CRISP2: variants seen among roughly 807,000 people sequenced by gnomAD.
CRISP2 encodes the protein cysteine-rich secretory protein 2.
CRISP2 carries 29 observed loss-of-function variants against 31.7 expected under a neutral mutation model. The observed-to-expected ratio is 0.92, with a 90% CI of 0.68 to 1.25. The LOEUF (loss-of-function observed/expected upper bound fraction) is 1.25, where lower values mean the gene tolerates loss of function less well. CRISP2 is among the 50% of genes most tolerant of loss of function. The pLI is 0.00. For synonymous variants in CRISP2, 111 were observed against 101.4 expected, an observed-to-expected ratio of 1.09 and a Z score of -0.57; for missense variants, 318 against 286.5, an observed-to-expected ratio of 1.11 and a Z score of -0.79.
intron 9 of CRISP2, among the ~76,000 whole-genome samples, chr6:49,695,511 G>T (rs937528540): frequency 6.6e-6 from 1 of 151,972 alleles, no homozygotes; most frequent in Admixed American, 6.6e-5. Flanking sequence ...TACCACTTTT[G>T]GTATAGTGAT....
rs764766322 is a variant in CRISP2 at position 49,709,129 on chromosome 6, A to T, written c.66+2T>A. The T allele has an allele frequency of 5.6e-6, 9 of 1,613,178 alleles. No homozygotes were observed. The Admixed American group carries it at 1.2e-4, about 21-fold the overall frequency. On this transcript the variant is annotated splice_donor_variant, in intron 4 of 9. Transcript: ENST00000339139. LOFTEE classifies it high-confidence loss of function. ...TGAAAAGATTTTCCATTTTAACCTTACCTTTCCTTCTGCAGGTAAAGATGG... is the reference window on the plus strand; with the variant it reads ...TGAAAAGATTTTCCATTTTAACCTTTCCTTTCCTTCTGCAGGTAAAGATGG...
At chr6:49,676,713 C>G in the CRISP2 span, among the ~76,000 whole-genome samples, 6 of 152,008 alleles carry the variant, frequency 3.9e-5, no homozygotes, top group South Asian at 1.2e-3. Flanking sequence ...GAGAGGAAAT[C>G]TCAAGCCACA....
rs556382459 is a variant in CRISP2, at chr6:49,700,214, T to A, written c.184-323A>T. 2.3e-3 allele frequency among the ~76,000 whole-genome samples: 357 copies of A among 152,300 alleles called. 3 individuals carry two copies. The highest frequency in any genetic ancestry group is 8.2e-3 in the African/African-American group (340 of 41,582). On this transcript the variant is annotated intron_variant, in intron 5 of 9. Transcript: ENST00000339139. ...GTGAAATATTCTAATTATATTTTAA[T>A]AGTAATAAGATGGCCAACGTTATTT...
At chr6:49,685,798 G>C in the CRISP2 span, among the ~76,000 whole-genome samples, 1 of 151,960 alleles carries the variant, frequency 6.6e-6, no homozygotes, top group African/African-American at 2.4e-5. Context: ...AATATAGTTT[G>C]TTTTTTGTTT....
chr6:49,683,679 AAAAAAAAAAAAAAAAATATATATATATAT>A, the CRISP2 span, among the ~76,000 whole-genome samples: 3 of 47,674 alleles, frequency 6.3e-5, no homozygotes, highest in East Asian at 6.5e-4. Flanking sequence ...AAAAAAAAAA[AAAAAAAAAAAAAAAAATATATATATATAT>A]ATATATATAT....
the CRISP2 span, among the ~76,000 whole-genome samples, chr6:49,685,492 A>G: frequency 6.6e-6 from 1 of 152,190 alleles, no homozygotes; most frequent in Non-Finnish European, 1.5e-5. Context: ...TCAATAGAAC[A>G]CCACAGGGTT....
Position 49,708,204 on chromosome 6 carries a change from C to T in CRISP2, c.66+927G>A, listed in dbSNP as rs150462499. ...ATTGGAGCAAGAGGACTATCATCAG[C>T]TTTCTAACCCCATAGACCAGTGTTT... is the stretch of plus-strand genomic sequence containing the variant. On this transcript the variant is annotated intron_variant, in intron 4 of 9. Transcript: ENST00000339139. Among the ~76,000 whole-genome samples the T allele has an allele frequency of 7.9e-5, 12 of 152,158 alleles. No homozygotes were observed. The East Asian group carries it at 1.9e-3, about 24-fold the overall frequency.
At chr6:49,682,616 TTTC>T in the CRISP2 span, among the ~76,000 whole-genome samples, 32 of 68,568 alleles carry the variant, frequency 4.7e-4, 1 homozygote, top group South Asian at 7.0e-3. Flanking sequence ...TCTTTCTTTC[TTTC>T]TTTCTTTCTT....
At chr6:49,704,775 G>T (rs12205904) in intron 4 of CRISP2, among the ~76,000 whole-genome samples, 8,006 of 152,260 alleles carry the variant, frequency 0.053, 221 homozygotes, top group Non-Finnish European at 0.059. Flanking sequence ...GACTCTGTGA[G>T]AGTCCTTGGC....
intron 8 of CRISP2, among the ~76,000 whole-genome samples, chr6:49,696,482 T>G (rs962903845): frequency 6.6e-6 from 1 of 151,846 alleles, no homozygotes; most frequent in Admixed American, 6.6e-5. Flanking sequence ...TGTGTGTTTG[T>G]AGGAGTGTGC....
intron 6 of CRISP2, 118 bp from the exon 7 acceptor site, chr6:49,698,625 A>T: frequency 9.9e-7 from 1 of 1,007,356 alleles, no homozygotes; most frequent in Non-Finnish European, 1.5e-6. Flanking sequence ...CTAACTGTTG[A>T]TTAATACATA....
At position 49,711,738 on chromosome 6, in the gene CRISP2, T is replaced by G. The variant is rs537951436; in HGVS notation, c.-46-417A>C. Among the ~76,000 whole-genome samples the G allele has an allele frequency of 4.6e-5, 7 of 152,258 alleles. No homozygotes were observed. In the South Asian group the frequency reaches 1.5e-3, roughly 32 times the overall value. On this transcript the variant is annotated intron_variant, in intron 2 of 9. Coordinates refer to ENST00000339139, the MANE Select transcript of CRISP2 (RefSeq NM_003296.4). ...TTTCTAATTATCAACTACCTGTAGC[T>G]TATTGGTTACGGGTGCATTCTTTGG...
the CRISP2 span, among the ~76,000 whole-genome samples, chr6:49,687,278 T>C: frequency 6.6e-6 from 1 of 152,182 alleles, no homozygotes; most frequent in Non-Finnish European, 1.5e-5. Context: ...ATACAATGTA[T>C]AAAATATTAA....
chr6:49,677,928 G>A, the CRISP2 span, among the ~76,000 whole-genome samples: 5 of 152,110 alleles, frequency 3.3e-5, no homozygotes, highest in Admixed American at 3.3e-4. Flanking sequence ...CACTGATACT[G>A]GAGTTAGAGA....
At chr6:49,677,035 G>A in the CRISP2 span, among the ~76,000 whole-genome samples, 1 of 152,106 alleles carries the variant, frequency 6.6e-6, no homozygotes, top group East Asian at 1.9e-4. Flanking sequence ...AGTAAGCAGT[G>A]ACCAGTTACA....
chr6:49,697,307 AC>A, intron 8 of CRISP2, among the ~76,000 whole-genome samples: 1 of 152,274 alleles, frequency 6.6e-6, no homozygotes, highest in Admixed American at 6.5e-5. Context: ...AGAATCAGAG[AC>A]TTAAGATGTT....
the CRISP2 span, among the ~76,000 whole-genome samples, chr6:49,682,605 T>TTC: frequency 5.5e-4 from 36 of 65,434 alleles, no homozygotes; most frequent in African/African-American, 3.6e-3. Flanking sequence ...CTTTCTTTCT[T>TTC]TCTTTCTTTC....
intron 4 of CRISP2, among the ~76,000 whole-genome samples, chr6:49,705,537 A>C (rs967386039): frequency 6.6e-6 from 1 of 152,108 alleles, no homozygotes; most frequent in Non-Finnish European, 1.5e-5. Context: ...TCAGAATCCC[A>C]GATCTGCCCA....
At chr6:49,690,651 A>G (rs1008962454), downstream of CRISP2, among the ~76,000 whole-genome samples, 1 of 152,072 alleles carries the variant, frequency 6.6e-6, no homozygotes, top group Non-Finnish European at 1.5e-5. Context: ...AATCTATAAA[A>G]TCAAATGTTT....
Sources: gnomAD v4.1 joint callset for allele counts (sites outside exome capture counted in the v4.1 genomes callset) on GRCh38, gnomAD v4.1.1 for gene constraint, MANE v1.5 for transcripts, NCBI Gene and HGNC (gene_info 2026-07-23, HGNC 2026-07-21) for gene names.